Variants in CDKAL1 observed in about 807,000 individuals in gnomAD.
The protein encoded by CDKAL1 is CDKAL1 threonylcarbamoyladenosine tRNA methylthiotransferase.
In CDKAL1, 32 loss-of-function variants were observed where a neutral mutation model predicts 68.2. The ratio of observed to expected loss-of-function variants is 0.47; its 90% CI spans 0.35 to 0.63. The LOEUF is 0.63. Ranked by LOEUF, CDKAL1 falls within the 30% of genes least tolerant of loss-of-function variation. CDKAL1 has a pLI of 0.00. For synonymous variants in CDKAL1, 234 were observed against 244.3 expected (o/e 0.96, Z 0.39); for missense variants, 606 against 696.7 (o/e 0.87, Z 1.47).
chr6:21,025,550 GT>G, intron 11 of CDKAL1, among the ~76,000 whole-genome samples: 1 of 152,202 alleles, frequency 6.6e-6, no homozygotes, highest in South Asian at 2.1e-4. Flanking sequence ...TAGATTTGGG[GT>G]TGTTTGTTTG....
At chr6:20,802,305 AC>A in intron 8 of CDKAL1, among the ~76,000 whole-genome samples, 1 of 99,686 alleles carries the variant, frequency 1.0e-5, no homozygotes, top group South Asian at 3.4e-4. Context: ...TCAAAAAACA[AC>A]AACAACAACA....
intron 4 of CDKAL1, among the ~76,000 whole-genome samples, chr6:20,619,494 T>C (rs1387187800): frequency 6.6e-6 from 1 of 152,234 alleles, no homozygotes; most frequent in Non-Finnish European, 1.5e-5. Context: ...AATACAATTC[T>C]ATCTTCTAGT....
At chr6:20,878,430 T>C (rs1760643743) in intron 9 of CDKAL1, among the ~76,000 whole-genome samples, 1 of 152,182 alleles carries the variant, frequency 6.6e-6, no homozygotes. Context: ...GTTAAGTAAA[T>C]CAGTAAATCT....
At chr6:21,010,191 A>G (rs1302905512) in intron 11 of CDKAL1, among the ~76,000 whole-genome samples, 9 of 152,344 alleles carry the variant, frequency 5.9e-5, no homozygotes, top group Admixed American at 2.6e-4. Context: ...ATGAGGAGAA[A>G]AACTACAAAT....
chr6:20,971,760 C>T (rs1186586766), intron 10 of CDKAL1, among the ~76,000 whole-genome samples: 1 of 152,176 alleles, frequency 6.6e-6, no homozygotes, highest in African/African-American at 2.4e-5. Flanking sequence ...GAATCGTGAT[C>T]ATTCCATTCA....
chr6:20,998,699 T>C (rs1231875040), intron 10 of CDKAL1, among the ~76,000 whole-genome samples: 1 of 152,196 alleles, frequency 6.6e-6, no homozygotes, highest in Non-Finnish European at 1.5e-5. Context: ...TCCAGCTGCT[T>C]TTCTACTAAA....
intron 9 of CDKAL1, among the ~76,000 whole-genome samples, chr6:20,880,343 C>T (rs1760746889): frequency 6.6e-6 from 1 of 152,092 alleles, no homozygotes; most frequent in Non-Finnish European, 1.5e-5. Flanking sequence ...GAAACCTCCA[C>T]CTCCTGGGTT....
intron 10 of CDKAL1, among the ~76,000 whole-genome samples, chr6:20,973,092 A>C (rs1226255646): frequency 2.1e-5 from 3 of 144,028 alleles, no homozygotes; most frequent in African/African-American, 7.7e-5. Context: ...AAAAAAAAAA[A>C]GACTTTAAAT....
rs147907257 is a variant in CDKAL1 at position 21,073,653 on chromosome 6, T to C, written c.1236+8425T>C. Among the ~76,000 whole-genome samples the C allele has an allele frequency of 1.3e-3, 192 of 152,290 alleles. 1 individual carries two copies. The highest frequency in any genetic ancestry group is 1.8e-3 in the Non-Finnish European group (124 of 68,002). ...TTTGCCATATGTATGTTTTCTTTGG[T>C]GAGGTGTCTGTTCAGGTCTGTTGCC... On this transcript the variant is annotated intron_variant, in intron 12 of 15. Coordinates refer to ENST00000274695, the MANE Select transcript of CDKAL1 (RefSeq NM_017774.3).
chr6:21,186,465 A>G (rs958408383), intron 13 of CDKAL1, among the ~76,000 whole-genome samples: 4 of 152,154 alleles, frequency 2.6e-5, no homozygotes, highest in Non-Finnish European at 5.9e-5. Flanking sequence ...TGTTTTTTAT[A>G]TGGTTGCTTT....
chr6:20,954,250 C>T (rs1364969818), intron 9 of CDKAL1, among the ~76,000 whole-genome samples: 2 of 151,960 alleles, frequency 1.3e-5, no homozygotes, highest in African/African-American at 4.8e-5. Flanking sequence ...CTTTTTTATT[C>T]TGTGAGTTTT....
At chr6:20,762,225 T>C (rs1401551491) in intron 7 of CDKAL1, among the ~76,000 whole-genome samples, 1 of 152,214 alleles carries the variant, frequency 6.6e-6, no homozygotes, top group Non-Finnish European at 1.5e-5. Context: ...AGCTCCTTAC[T>C]GATGAGCGTG....
intron 10 of CDKAL1, among the ~76,000 whole-genome samples, chr6:20,974,797 A>G (rs897826001): frequency 2.2e-5 from 3 of 134,680 alleles, no homozygotes; most frequent in Non-Finnish European, 3.1e-5. Flanking sequence ...TGGGCAACAT[A>G]GCAAGACCCA....
chr6:20,554,238 C>T (rs1371594108), intron 4 of CDKAL1, among the ~76,000 whole-genome samples: 1 of 152,220 alleles, frequency 6.6e-6, no homozygotes, highest in Non-Finnish European at 1.5e-5. Flanking sequence ...ATCGTGGGTA[C>T]ATGGATATGT....
intron 5 of CDKAL1, among the ~76,000 whole-genome samples, chr6:20,735,115 C>A (rs1244501845): frequency 6.6e-6 from 1 of 152,158 alleles, no homozygotes. Context: ...GGCAACCCAC[C>A]CGCCTTGGCC....
intron 8 of CDKAL1, among the ~76,000 whole-genome samples, chr6:20,822,484 G>A (rs1581646342): frequency 6.6e-6 from 1 of 152,268 alleles, no homozygotes; most frequent in African/African-American, 2.4e-5. Flanking sequence ...TCGGATAACA[G>A]TTCTTGAATC....
chr6:21,003,343 AATATATATATATATATATAT>A (rs71540608), intron 11 of CDKAL1, among the ~76,000 whole-genome samples: 1 of 40,450 alleles, frequency 2.5e-5, no homozygotes, highest in Non-Finnish European at 4.8e-5. Flanking sequence ...ATCTCTACTA[AATATATATATATATATATAT>A]ATATATATAC....
At chr6:21,051,586 T>C (rs1022161514) in intron 11 of CDKAL1, among the ~76,000 whole-genome samples, 1 of 152,154 alleles carries the variant, frequency 6.6e-6, no homozygotes, top group Non-Finnish European at 1.5e-5. Context: ...AATGGCATTT[T>C]CCCCCTTTCT....
chr6:20,706,005 A>G lies in CDKAL1; in HGVS notation c.372-33514A>G, dbSNP rs1471979157. Among the ~76,000 whole-genome samples, 3 of 152,250 alleles carry G rather than the reference A, an allele frequency of 2.0e-5. No individual in the cohort carries two copies. In the East Asian group the frequency reaches 5.8e-4, roughly 29 times the overall value. ...CCAAGGGCAGCAGCAGACCGTCTCCATGGGTGCTGTGCTTATGATTTTCAG... is the reference window on the plus strand; with the variant it reads ...CCAAGGGCAGCAGCAGACCGTCTCCGTGGGTGCTGTGCTTATGATTTTCAG... On this transcript the variant is annotated intron_variant, in intron 5 of 15. Transcript: ENST00000274695.
Sources: gnomAD v4.1 joint callset for allele counts (sites outside exome capture counted in the v4.1 genomes callset) on GRCh38, gnomAD v4.1.1 for gene constraint, MANE v1.5 for transcripts, NCBI Gene and HGNC (gene_info 2026-07-23, HGNC 2026-07-21) for gene names.